Variants in AOPEP observed in about 807,000 individuals in gnomAD.
AOPEP encodes aminopeptidase O.
Under a neutral mutation model 98.1 loss-of-function variants are expected in AOPEP, and 77 were observed. The observed-to-expected ratio is 0.78, with a 90% CI of 0.65 to 0.95. The LOEUF is 0.95. AOPEP is among the 40% of genes least tolerant of loss of function. The probability of loss-of-function intolerance (pLI) is 0.00; values close to 1 mark genes in which losing one functional copy is unlikely to be tolerated. For synonymous variants in AOPEP, 346 were observed against 365.3 expected (o/e 0.95, Z 0.60); for missense variants, 1,024 against 1,024.7 (o/e 1.00, Z 0.01).
chr9:95,073,168 G>A (rs1458650176), intron 14 of AOPEP, among the ~76,000 whole-genome samples: 2 of 152,192 alleles, frequency 1.3e-5, no homozygotes, highest in Non-Finnish European at 2.9e-5. Flanking sequence ...GCGAGTCTCT[G>A]ACCTGGCCCA....
chr9:95,132,859 C>T, the AOPEP span, among the ~76,000 whole-genome samples: 1 of 152,248 alleles, frequency 6.6e-6, no homozygotes, highest in East Asian at 1.9e-4. Context: ...GTTTTTGTTA[C>T]ATTTTGGTAA....
intron 10 of AOPEP, among the ~76,000 whole-genome samples, chr9:94,970,368 T>A (rs2059460425): frequency 6.6e-6 from 1 of 152,104 alleles, no homozygotes; most frequent in African/African-American, 2.4e-5. Context: ...ACTGTTAGCT[T>A]TAAACACCCA....
At chr9:95,005,412 G>GGCGC (rs2061928021) in intron 12 of AOPEP, 130 bp from the exon 13 acceptor site, 1 of 999,436 alleles carries the variant, frequency 1.0e-6, no homozygotes, top group Non-Finnish European at 1.5e-6. Flanking sequence ...TCCGCGGGCG[G>GGCGC]GCGCGGGTGG....
At chr9:94,861,210 G>A (rs757938842) in intron 5 of AOPEP, among the ~76,000 whole-genome samples, 15 of 152,300 alleles carry the variant, frequency 9.8e-5, no homozygotes, top group South Asian at 4.2e-4. Flanking sequence ...GCTTCATGAC[G>A]AAGGGGAAGG....
intron 5 of AOPEP, among the ~76,000 whole-genome samples, chr9:94,906,455 A>AAATAATAATAATAATAATAATAAT (rs5741511): frequency 7.0e-5 from 8 of 114,342 alleles, no homozygotes; most frequent in East Asian, 2.2e-4. Context: ...ACCCTGTCTG[A>AAATAATAATAATAATAATAATAAT]AATAATAATA....
intron 13 of AOPEP, among the ~76,000 whole-genome samples, chr9:95,026,427 T>G (rs566772243): frequency 4.7e-4 from 72 of 152,354 alleles, no homozygotes; most frequent in African/African-American, 1.7e-3. Flanking sequence ...TCTGGACATT[T>G]CATATCAGTG....
chr9:95,089,693 G>A (rs1396724596), downstream of AOPEP, among the ~76,000 whole-genome samples: 2 of 152,206 alleles, frequency 1.3e-5, no homozygotes, highest in Admixed American at 6.5e-5. Flanking sequence ...GCTGGGTGGG[G>A]GCACGGGCTG....
chr9:94,728,239 G>GCGCGCGCGCGCGCGCGCACACACA (rs113657409), intron 1 of AOPEP, among the ~76,000 whole-genome samples: 8 of 146,512 alleles, frequency 5.5e-5, no homozygotes, highest in East Asian at 2.0e-4. Flanking sequence ...GTGCGCGCAT[G>GCGCGCGCGCGCGCGCGCACACACA]CACACACACA....
the AOPEP span, among the ~76,000 whole-genome samples, chr9:95,096,572 T>C: frequency 3.8e-3 from 584 of 152,200 alleles, 2 homozygotes; most frequent in African/African-American, 0.013. Flanking sequence ...TCCCTCTGCC[T>C]AGAGATGCCA....
At position 94,856,590 on chromosome 9, in the gene AOPEP, G is replaced by T. The variant is rs545236422; in HGVS notation, c.1364+55588G>T. The stretch of plus-strand genomic sequence containing the variant: ...CGGGAGGCAGAGGTTGTGGTAAGCC[G>T]AGATCGTGCCATTGCACTTCAGCCT... On this transcript the variant is annotated intron_variant, in intron 5 of 16. Transcript: ENST00000375315. Among the ~76,000 whole-genome samples, 82 of 150,162 alleles carry T rather than the reference G, an allele frequency of 5.5e-4. 2 individuals carry two copies. Among genetic ancestry groups the T allele is most frequent in the Non-Finnish European group, 1.8e-4 (12 of 67,844 alleles).
the AOPEP span, among the ~76,000 whole-genome samples, chr9:95,093,596 AAAAG>A: frequency 6.6e-6 from 1 of 152,170 alleles, no homozygotes. Flanking sequence ...TATGTAAACA[AAAAG>A]TAAGTTTTCT....
At chr9:95,012,992 G>GA (rs201932227) in intron 13 of AOPEP, among the ~76,000 whole-genome samples, 2 of 138,688 alleles carry the variant, frequency 1.4e-5, no homozygotes, top group South Asian at 2.5e-4. Flanking sequence ...TTTTTTGGGG[G>GA]GGGGGGCAGG....
chr9:94,782,018 C>T (rs994666505), intron 3 of AOPEP, among the ~76,000 whole-genome samples: 9 of 150,660 alleles, frequency 6.0e-5, no homozygotes, highest in Admixed American at 2.0e-4. Context: ...AGTGAAATGC[C>T]GTCTCTACTA....
intron 4 of AOPEP, among the ~76,000 whole-genome samples, chr9:94,800,078 C>T (rs980849492): frequency 6.6e-6 from 1 of 152,094 alleles, no homozygotes; most frequent in African/African-American, 2.4e-5. Flanking sequence ...AGGCTGGGGT[C>T]TGATCTGTTT....
chr9:95,100,058 T>C, the AOPEP span: 12 of 232,082 alleles, frequency 5.2e-5, no homozygotes, highest in Non-Finnish European at 9.4e-5. Context: ...ACAGCTTCCA[T>C]GGCCCAGCCA....
the AOPEP span, chr9:95,101,288 A>C: frequency 1.6e-5 from 5 of 315,036 alleles, no homozygotes. Context: ...GAGTCTAAAA[A>C]GAGCTAAGTT....
chr9:94,762,218 C>A (rs377677581), intron 2 of AOPEP, among the ~76,000 whole-genome samples: 2 of 152,096 alleles, frequency 1.3e-5, no homozygotes, highest in South Asian at 4.1e-4. Context: ...GAGGCTGAGG[C>A]GGGTGGATCA....
At chr9:94,975,042 C>T (rs1254307478) in intron 10 of AOPEP, among the ~76,000 whole-genome samples, 1 of 152,040 alleles carries the variant, frequency 6.6e-6, no homozygotes, top group African/African-American at 2.4e-5. Context: ...CCAGTTTGGG[C>T]AATATAGTGA....
At chr9:95,123,440 G>T in the AOPEP span, 1 of 459,320 alleles carries the variant, frequency 2.2e-6, no homozygotes, top group South Asian at 1.6e-5. Flanking sequence ...CAGAGGTTGA[G>T]ACCAGCCCGG....
Sources: allele counts gnomAD v4.1 joint callset (sites outside exome capture counted in the v4.1 genomes callset), GRCh38; gene constraint gnomAD v4.1.1; transcripts MANE v1.5; gene names NCBI Gene and HGNC (gene_info 2026-07-23, HGNC 2026-07-21).